SDK1: variants seen among roughly 807,000 people sequenced by gnomAD.
SDK1 encodes sidekick cell adhesion molecule 1.
Under a neutral mutation model 245.5 loss-of-function variants are expected in SDK1, and 157 were observed. The observed-to-expected ratio is 0.64, with a 90% confidence interval of 0.56 to 0.73. SDK1 has a LOEUF of 0.73. Among genes scored for constraint, SDK1 ranks in the 30% least tolerant of loss-of-function variants. The pLI, the probability that SDK1 is intolerant of heterozygous loss-of-function variation, is 0.00. For missense variants in SDK1, 3,583 were observed against 3,002.3 expected (o/e 1.19, Z -4.52); for synonymous variants, 1,647 against 1,278.5 (o/e 1.29, Z -6.15).
intron 1 of SDK1, among the ~76,000 whole-genome samples, chr7:3,422,990 A>G (rs1260074251): frequency 6.6e-6 from 1 of 152,260 alleles, no homozygotes; most frequent in Non-Finnish European, 1.5e-5. Context: ...TGTGTAATGA[A>G]CACTCATTAG....
At chr7:3,586,180 G>T (rs1780682035) in intron 1 of SDK1, among the ~76,000 whole-genome samples, 1 of 151,956 alleles carries the variant, frequency 6.6e-6, no homozygotes. Context: ...GCCACACCCA[G>T]AGGTGCCTTG....
At chr7:4,114,577 T>C (rs895119465) in intron 25 of SDK1, among the ~76,000 whole-genome samples, 3 of 152,260 alleles carry the variant, frequency 2.0e-5, no homozygotes, top group Admixed American at 6.5e-5. Context: ...GTAAAGTTCC[T>C]ATGGGGAATC....
intron 1 of SDK1, among the ~76,000 whole-genome samples, chr7:3,587,575 A>G (rs76926326): frequency 6.6e-6 from 1 of 152,298 alleles, no homozygotes; most frequent in East Asian, 1.9e-4. Flanking sequence ...TGTGAATCCA[A>G]CTTTCCTCCG....
intron 5 of SDK1, among the ~76,000 whole-genome samples, chr7:3,849,272 C>T (rs1376736736): frequency 1.3e-5 from 2 of 152,202 alleles, no homozygotes; most frequent in South Asian, 2.1e-4. Flanking sequence ...CCACTCCTGG[C>T]TCATTCACTC....
intron 1 of SDK1, among the ~76,000 whole-genome samples, chr7:3,450,468 A>T (rs1358268533): frequency 1.3e-5 from 2 of 152,158 alleles, no homozygotes; most frequent in Non-Finnish European, 2.9e-5. Context: ...AGATTTTAAG[A>T]AGTAGCAGTG....
intron 1 of SDK1, among the ~76,000 whole-genome samples, chr7:3,356,400 C>G (rs911691928): frequency 6.6e-6 from 1 of 152,084 alleles, no homozygotes; most frequent in Non-Finnish European, 1.5e-5. Flanking sequence ...TGTTTGTTAC[C>G]GCTCTTTAAA....
intron 5 of SDK1, among the ~76,000 whole-genome samples, chr7:3,947,626 CTA>C (rs1481101148): frequency 2.7e-5 from 4 of 147,982 alleles, no homozygotes; most frequent in Non-Finnish European, 4.5e-5. Flanking sequence ...ACATATATAT[CTA>C]TATGTGTATC....
At position 4,193,992 on chromosome 7, in the gene SDK1, C is replaced by T. The variant is rs116253708; in HGVS notation, c.5099-11887C>T. On this transcript the variant is annotated intron_variant, in intron 35 of 44. Transcript: ENST00000404826. ...TTTGCATAACTCTCTAAACAATTCACGCCAAGGACTATCAGCATTCTCCAT... is the reference window on the plus strand; with the variant it reads ...TTTGCATAACTCTCTAAACAATTCATGCCAAGGACTATCAGCATTCTCCAT... Among the ~76,000 whole-genome samples, 1,490 of 152,238 alleles carry T rather than the reference C, an allele frequency of 9.8e-3. 25 individuals are homozygous for T. The highest frequency in any genetic ancestry group is 0.033 in the African/African-American group (1,390 of 41,532).
chr7:3,663,089 C>T (rs1452526832), intron 4 of SDK1, among the ~76,000 whole-genome samples: 2 of 152,088 alleles, frequency 1.3e-5, no homozygotes, highest in African/African-American at 4.8e-5. Context: ...TGAAGGAGTG[C>T]ATAATTAGAT....
At chr7:3,813,228 A>G (rs1779428284) in intron 4 of SDK1, among the ~76,000 whole-genome samples, 1 of 147,018 alleles carries the variant, frequency 6.8e-6, no homozygotes, top group South Asian at 2.2e-4. Context: ...GTCATCTAGC[A>G]TTAGGTATAT....
At chr7:3,306,721 T>C (rs1359691848) in intron 1 of SDK1, among the ~76,000 whole-genome samples, 1 of 152,194 alleles carries the variant, frequency 6.6e-6, no homozygotes, top group Non-Finnish European at 1.5e-5. Flanking sequence ...GCCTTTATGT[T>C]ATTTCCATCC....
intron 1 of SDK1, among the ~76,000 whole-genome samples, chr7:3,611,766 C>T (rs541986136): frequency 6.6e-6 from 1 of 151,858 alleles, no homozygotes; most frequent in Non-Finnish European, 1.5e-5. Context: ...CAAATCGAAA[C>T]CACAATGCTA....
intron 1 of SDK1, among the ~76,000 whole-genome samples, chr7:3,427,613 G>T (rs939110890): frequency 4.6e-5 from 7 of 151,462 alleles, no homozygotes; most frequent in African/African-American, 1.5e-4. Context: ...CTTGTCATAC[G>T]ATATAAGATG....
intron 1 of SDK1, among the ~76,000 whole-genome samples, chr7:3,461,522 A>G (rs1780830397): frequency 6.6e-6 from 1 of 152,190 alleles, no homozygotes; most frequent in Admixed American, 6.5e-5. Context: ...ACAGAGCAAC[A>G]GTTGCTGTGG....
chr7:4,089,435 T>C (rs766177274), intron 22 of SDK1, among the ~76,000 whole-genome samples: 9 of 152,228 alleles, frequency 5.9e-5, no homozygotes, highest in Non-Finnish European at 1.2e-4. Context: ...GTGCTGGGCC[T>C]TGGAGGCAAG....
chr7:4,071,833 C>T (rs922952700), intron 20 of SDK1, among the ~76,000 whole-genome samples: 1 of 152,186 alleles, frequency 6.6e-6, no homozygotes, highest in Non-Finnish European at 1.5e-5. Flanking sequence ...GCCCAGTCGC[C>T]TTTCAGGTCT....
intron 30 of SDK1, among the ~76,000 whole-genome samples, chr7:4,154,958 C>T (rs932845067): frequency 6.6e-5 from 10 of 151,716 alleles, no homozygotes; most frequent in African/African-American, 1.7e-4. Context: ...GCAGGAGCAA[C>T]GGGGGTGGGG....
chr7:3,366,698 T>C (rs1256208507), intron 1 of SDK1, among the ~76,000 whole-genome samples: 3 of 152,178 alleles, frequency 2.0e-5, no homozygotes, highest in East Asian at 1.9e-4. Context: ...TTCATGTCTT[T>C]TGCCTATTTG....
chr7:3,384,599 C>T (rs544088936), intron 1 of SDK1, among the ~76,000 whole-genome samples: 18 of 45,830 alleles, frequency 3.9e-4, no homozygotes, highest in African/African-American at 7.3e-4. Context: ...CCTCGAACAT[C>T]GAAGGACTTC....
Sources: gnomAD v4.1 joint callset for allele counts (sites outside exome capture counted in the v4.1 genomes callset) on GRCh38, gnomAD v4.1.1 for gene constraint, MANE v1.5 for transcripts, NCBI Gene and HGNC (gene_info 2026-07-23, HGNC 2026-07-21) for gene names.